The following EFNB2 variants were observed in gnomAD, a reference collection of about 807,000 sequenced individuals.
EFNB2 encodes ephrin B2, also known as ephrin-B2.
In EFNB2, 5 loss-of-function variants were observed where a neutral mutation model predicts 32.1. That is an observed-to-expected ratio of 0.16 (90% CI 0.08 to 0.33). EFNB2 has a LOEUF of 0.33. EFNB2 is among the 10% of genes least tolerant of loss of function. EFNB2 has a pLI of 1.00. For synonymous variants in EFNB2, 168 were observed against 166.5 expected (o/e 1.01, Z -0.07); for missense variants, 263 against 422.6 (o/e 0.62, Z 3.31).
At position 106,535,065 on chromosome 13, in the gene EFNB2, G is replaced by A. The variant is rs1298189902; in HGVS notation, c.-101C>T. The A allele has an allele frequency of 1.3e-6, 2 of 1,501,578 alleles. No homozygotes were observed. Among genetic ancestry groups the A allele is most frequent in the African/African-American group, 2.8e-5 (2 of 70,902 alleles). 93.0% of individuals were successfully genotyped at this position (1,501,578 alleles called of 1,614,324 possible). A position where few individuals can be genotyped will look rare whatever the true frequency, so the allele number is the denominator to read the frequency against. ...TCCGGGGCAGACTGGCGGGGAAGACGGCGTGCGCCCGCAGGCAGCTCCGAG... is the reference window on the plus strand; with the variant it reads ...TCCGGGGCAGACTGGCGGGGAAGACAGCGTGCGCCCGCAGGCAGCTCCGAG... On this transcript the variant is annotated 5_prime_UTR_variant, in exon 1 of 5. Transcript: ENST00000646441.
At chr13:106,522,116 G>GA (rs1026936661) in intron 1 of EFNB2, among the ~76,000 whole-genome samples, 5 of 151,940 alleles carry the variant, frequency 3.3e-5, no homozygotes, top group Non-Finnish European at 7.4e-5. Flanking sequence ...AGCTAGATAA[G>GA]AAAAAATGTG....
chr13:106,528,685 T>C (rs1231011451), intron 1 of EFNB2, among the ~76,000 whole-genome samples: 2 of 152,196 alleles, frequency 1.3e-5, no homozygotes, highest in East Asian at 1.9e-4. Context: ...CTTGACCCGA[T>C]TGCGGATGTC....
intron 4 of EFNB2, 77 bp downstream of exon 4, chr13:106,494,804 C>T: frequency 1.7e-6 from 2 of 1,151,724 alleles, no homozygotes; most frequent in Non-Finnish European, 2.6e-6. Flanking sequence ...AGTCTTTAGA[C>T]TCTGCCCTAC....
chr13:106,500,957 G>T (rs887855001), intron 2 of EFNB2, among the ~76,000 whole-genome samples: 4 of 152,044 alleles, frequency 2.6e-5, no homozygotes, highest in Non-Finnish European at 5.9e-5. Context: ...CTACCACAGG[G>T]CTATCAAATC....
chr13:106,507,622 T>C (rs968349193), intron 2 of EFNB2, among the ~76,000 whole-genome samples: 4 of 150,300 alleles, frequency 2.7e-5, no homozygotes, highest in African/African-American at 1.0e-4. Context: ...ATACTCTTTA[T>C]TAAAAAAAAA....
intron 1 of EFNB2, among the ~76,000 whole-genome samples, chr13:106,525,373 T>C (rs1313796973): frequency 2.0e-5 from 3 of 152,182 alleles, no homozygotes; most frequent in Non-Finnish European, 2.9e-5. Context: ...CACCTATCCA[T>C]GATCATACTC....
chr13:106,498,292 A>G (rs755366955), intron 2 of EFNB2, among the ~76,000 whole-genome samples: 2 of 152,252 alleles, frequency 1.3e-5, no homozygotes, highest in Non-Finnish European at 2.9e-5. Flanking sequence ...AGTATCAGCA[A>G]GAGAAAAACA....
intron 1 of EFNB2, chr13:106,521,125 C>T (rs1385583084): frequency 6.8e-6 from 1 of 147,372 alleles, no homozygotes; most frequent in Non-Finnish European, 1.5e-5. Flanking sequence ...TCGTCTGCAA[C>T]ATGAACCTGA....
At chr13:106,506,439 T>C (rs978704609) in intron 2 of EFNB2, 2 of 152,204 alleles carry the variant, frequency 1.3e-5, no homozygotes, top group African/African-American at 4.8e-5. Flanking sequence ...TTACAAAGGA[T>C]CTGCTAACAA....
chr13:106,513,753 A>T (rs1207322107), intron 1 of EFNB2, among the ~76,000 whole-genome samples: 1 of 28,970 alleles, frequency 3.5e-5, no homozygotes, highest in Non-Finnish European at 9.6e-5. Flanking sequence ...ACACTTAGAA[A>T]TCTCAGCTCG....
At chr13:106,514,006 G>A (rs962657557) in intron 1 of EFNB2, among the ~76,000 whole-genome samples, 1 of 152,170 alleles carries the variant, frequency 6.6e-6, no homozygotes, top group Non-Finnish European at 1.5e-5. Context: ...TCTGAAAAGT[G>A]CATGAGTGTG....
At chr13:106,497,434 C>A (rs971346157) in intron 2 of EFNB2, among the ~76,000 whole-genome samples, 2 of 148,366 alleles carry the variant, frequency 1.3e-5, no homozygotes, top group African/African-American at 5.0e-5. Flanking sequence ...ACATTGTAGA[C>A]CATTAAGAAA....
chr13:106,500,206 G>C (rs1036745730), intron 2 of EFNB2, among the ~76,000 whole-genome samples: 1 of 152,146 alleles, frequency 6.6e-6, no homozygotes, highest in Non-Finnish European at 1.5e-5. Context: ...GATGTTCACC[G>C]CTCTGCTCCC....
chr13:106,520,350 C>G (rs1044104294), intron 1 of EFNB2: 1 of 152,214 alleles, frequency 6.6e-6, no homozygotes, highest in Admixed American at 6.5e-5. Context: ...TGCAGTTCTG[C>G]TGTAATTGGC....
chr13:106,506,227 T>C (rs1302024665), intron 2 of EFNB2: 1 of 152,216 alleles, frequency 6.6e-6, no homozygotes, highest in East Asian at 1.9e-4. Context: ...GCCTCAGTGA[T>C]AACGCAACCC....
chr13:106,493,203 T>C lies in EFNB2; in HGVS notation c.839A>G (p.Asn280Ser). The stretch of plus-strand genomic sequence containing the variant: ...GTCACTGGGCTCTGAGCCGTTGTTG[T>C]TGCCGCTGCGCTTGGGTGTGGCCAG... ...STLATPKRSGNNNGSEPSDII... is the reference protein window; with the variant it reads ...STLATPKRSGSNNGSEPSDII... Residue 280 changes from asparagine (N) to serine (S), a missense_variant, in exon 5 of 5, where the codon AAC becomes AGC. Transcript: ENST00000646441. The surrounding 1 kb of genome is among the most constrained non-coding windows in gnomAD (Gnocchi z 6.1). 1.2e-6 allele frequency: 2 copies of C among 1,614,218 alleles called. No homozygotes were observed. Among genetic ancestry groups the C allele is most frequent in the Non-Finnish European group, 1.7e-6 (2 of 1,180,042 alleles).
intron 2 of EFNB2, among the ~76,000 whole-genome samples, chr13:106,497,227 A>T (rs1395151435): frequency 6.6e-6 from 1 of 152,192 alleles, no homozygotes; most frequent in Non-Finnish European, 1.5e-5. Context: ...TTTCCTCAAA[A>T]CAAAGACTGC....
intron 1 of EFNB2, among the ~76,000 whole-genome samples, chr13:106,531,695 G>A (rs985446523): frequency 3.9e-5 from 6 of 152,124 alleles, no homozygotes; most frequent in Non-Finnish European, 7.4e-5. Context: ...TGTATTATAC[G>A]TTATCTGGAT....
intron 1 of EFNB2, among the ~76,000 whole-genome samples, chr13:106,515,042 A>AT (rs202016092): frequency 0.011 from 1,691 of 150,028 alleles, 16 homozygotes; most frequent in Middle Eastern, 0.044. Flanking sequence ...CTTCATGAGG[A>AT]TTTTTTTTTT....
Sources: gnomAD v4.1 joint callset for allele counts (sites outside exome capture counted in the v4.1 genomes callset) on GRCh38, gnomAD v4.1.1 for gene constraint, Gnocchi (gnomAD v3.1) non-coding constraint, MANE v1.5 for transcripts, NCBI Gene and HGNC (gene_info 2026-07-23, HGNC 2026-07-21) for gene names.